Variants in OSGIN2 observed in about 807,000 individuals in gnomAD.
The protein encoded by OSGIN2 is oxidative stress-induced growth inhibitor 2.
In OSGIN2, 19 loss-of-function variants were observed where a neutral mutation model predicts 53.8. The ratio of observed to expected loss-of-function variants is 0.35; its 90% CI spans 0.25 to 0.52. The LOEUF is 0.52. Among genes scored for constraint, OSGIN2 ranks in the 20% least tolerant of loss-of-function variants. OSGIN2 has a pLI of 0.95. For synonymous variants in OSGIN2, 236 were observed against 236.0 expected, an observed-to-expected ratio of 1.00 and a Z score of 0.00; for missense variants, 520 against 662.7, an observed-to-expected ratio of 0.78 and a Z score of 2.36.
intron 1 of OSGIN2, among the ~76,000 whole-genome samples, chr8:89,905,414 A>T (rs77878690): frequency 1.3e-5 from 2 of 152,212 alleles, no homozygotes. Flanking sequence ...AAATAGAACA[A>T]ATATCAAATT....
Position 89,921,101 on chromosome 8 carries a change from A to G in OSGIN2, c.550A>G (p.Thr184Ala). Reference sequence around the variant, plus strand: ...ATAGAATATGGAAGGCTCCATGTTGACAATCAGCTTTGGAAGTTGGATGGA... The same window carrying G: ...ATAGAATATGGAAGGCTCCATGTTGGCAATCAGCTTTGGAAGTTGGATGGA... ...AWHNMEGSML[T>A]ISFGSWMELP... Residue 184 changes from threonine (T) to alanine (A), a missense_variant, in exon 5 of 6, where the codon ACA becomes GCA. Coordinates refer to ENST00000451899, the MANE Select transcript of OSGIN2 (RefSeq NM_001126111.3). 1.9e-6 allele frequency: 3 copies of G among 1,599,704 alleles called. No individual in the cohort carries two copies. Among genetic ancestry groups the G allele is most frequent in the Non-Finnish European group, 1.7e-6 (2 of 1,171,282 alleles).
intron 2 of OSGIN2, among the ~76,000 whole-genome samples, chr8:89,912,694 C>T (rs780911869): frequency 1.8e-4 from 27 of 151,510 alleles, no homozygotes; most frequent in Admixed American, 5.9e-4. Context: ...TGCAGTGAGC[C>T]GAGATCATGC....
intron 1 of OSGIN2, among the ~76,000 whole-genome samples, chr8:89,906,016 G>C (rs1808831971): frequency 6.6e-6 from 1 of 152,188 alleles, no homozygotes. Flanking sequence ...ACAAAATGTT[G>C]AGAGAAATTA....
At chr8:89,906,463 T>C (rs563416807) in intron 1 of OSGIN2, among the ~76,000 whole-genome samples, 1 of 148,632 alleles carries the variant, frequency 6.7e-6, no homozygotes, top group South Asian at 2.1e-4. Context: ...CCAGTGTGTG[T>C]TGTTCCCCTC....
chr8:89,919,722 G>A (rs904292254), intron 4 of OSGIN2, among the ~76,000 whole-genome samples: 4 of 152,190 alleles, frequency 2.6e-5, no homozygotes, highest in African/African-American at 9.6e-5. Flanking sequence ...TTGACTCCTT[G>A]AAGGACACTC....
chr8:89,922,254 C>T (rs1467875888), intron 5 of OSGIN2, among the ~76,000 whole-genome samples: 1 of 152,114 alleles, frequency 6.6e-6, no homozygotes, highest in African/African-American at 2.4e-5. Flanking sequence ...AGAAATTTTC[C>T]TTAATATGAG....
rs1018220832 is a variant in OSGIN2, at chr8:89,926,895, A to G, written c.*1363A>G. 3.3e-5 allele frequency: 5 copies of G among 152,230 alleles called. No homozygotes were observed. Among genetic ancestry groups the G allele is most frequent in the African/African-American group, 7.2e-5 (3 of 41,466 alleles). The allele number at this position is 152,230 out of a possible 1,614,324, so 9.4% of individuals were successfully genotyped here. A position where few individuals can be genotyped will look rare whatever the true frequency, so the allele number is the denominator to read the frequency against. Reference sequence around the variant, plus strand: ...TTAAATGCTTAAGCTTATTAGGACCATAATTCACTTTAAATATAATTGTAT... The same window carrying G: ...TTAAATGCTTAAGCTTATTAGGACCGTAATTCACTTTAAATATAATTGTAT... On this transcript the variant is annotated 3_prime_UTR_variant, in exon 6 of 6. Coordinates refer to ENST00000451899, the MANE Select transcript of OSGIN2 (RefSeq NM_001126111.3).
intron 5 of OSGIN2, among the ~76,000 whole-genome samples, chr8:89,922,518 A>G (rs1468775156): frequency 6.6e-6 from 1 of 152,236 alleles, no homozygotes; most frequent in Non-Finnish European, 1.5e-5. Flanking sequence ...TAAATTATGC[A>G]TATTGTGTTG....
chr8:89,907,212 C>G (rs1410468595), intron 1 of OSGIN2, among the ~76,000 whole-genome samples: 3 of 152,098 alleles, frequency 2.0e-5, no homozygotes, highest in Non-Finnish European at 4.4e-5. Context: ...TGTTGGTTGT[C>G]TGTTTACTCT....
chr8:89,918,076 C>T (rs1053043090), intron 4 of OSGIN2, among the ~76,000 whole-genome samples: 1 of 152,210 alleles, frequency 6.6e-6, no homozygotes, highest in African/African-American at 2.4e-5. Context: ...TTAGCTTACT[C>T]ACTCTACCTT....
At position 89,925,017 on chromosome 8, in the gene OSGIN2, G is replaced by C; in HGVS notation, c.1135G>C (p.Val379Leu). The part of the protein sequence containing the change: ...IPVIHVFRRR[V>L]TDPSLIFKQL... The stretch of plus-strand genomic sequence containing the variant: ...TGTGATTCATGTGTTTCGCAGACGA[G>C]TAACTGATCCAAGCTTAATTTTCAA... The change falls in exon 6 of 6, where the codon GTA becomes CTA. Residue 379 changes from valine to leucine, a missense_variant. By Grantham distance (32) the Val-to-Leu change is conservative. Coordinates refer to ENST00000451899, the MANE Select transcript of OSGIN2 (RefSeq NM_001126111.3). 1 of 1,613,926 alleles carries C rather than the reference G, an allele frequency of 6.2e-7. No individual in the cohort carries two copies. The highest frequency in any genetic ancestry group is 1.1e-5 in the South Asian group (1 of 91,088).
chr8:89,914,773 G>T, intron 4 of OSGIN2, 27 bp downstream of exon 4: 1 of 1,552,142 alleles, frequency 6.4e-7, no homozygotes, highest in Non-Finnish European at 8.9e-7. Context: ...TAGCATTTTA[G>T]TGTATGTGAA....
Position 89,924,738 on chromosome 8 carries a change from C to T in OSGIN2, c.856C>T (p.Arg286Ter). The T allele has an allele frequency of 1.9e-6, 3 of 1,614,086 alleles. No homozygotes were observed. Among genetic ancestry groups the T allele is most frequent in the South Asian group, 1.1e-5 (1 of 91,084 alleles). The change falls in exon 6 of 6, where the codon CGA (arginine) becomes TGA (stop). Residue 286 changes from arginine (R) to a stop codon, truncating the protein, a stop_gained. Coordinates refer to ENST00000451899, the MANE Select transcript of OSGIN2 (RefSeq NM_001126111.3). LOFTEE classifies it high-confidence loss of function. Reference sequence around the variant, plus strand: ...AAACTGGGAAATTAGGGGTTATCAGCGAATAGCTGATGGTTCTCATGTTCC... The same window carrying T: ...AAACTGGGAAATTAGGGGTTATCAGTGAATAGCTGATGGTTCTCATGTTCC... Reference protein sequence around the residue: ...KRNWEIRGYQRIADGSHVPFC... With the variant: ...KRNWEIRGYQ
chr8:89,902,887 C>T, intron 1 of OSGIN2, 50 bp downstream of exon 1: 10 of 1,284,312 alleles, frequency 7.8e-6, no homozygotes, highest in Non-Finnish European at 9.2e-6. Flanking sequence ...ATGCCGCGCT[C>T]TCGAGCTTTT....
chr8:89,923,157 C>T (rs1208302739), intron 5 of OSGIN2, among the ~76,000 whole-genome samples: 2 of 152,080 alleles, frequency 1.3e-5, no homozygotes, highest in Non-Finnish European at 2.9e-5. Context: ...TTTATAAACA[C>T]TGCACACTTA....
intron 2 of OSGIN2, among the ~76,000 whole-genome samples, chr8:89,911,400 G>A (rs1808962971): frequency 6.6e-6 from 1 of 151,984 alleles, no homozygotes. Flanking sequence ...AGGCTGAGGT[G>A]GGCTGGATCA....
At position 89,902,757 on chromosome 8, in the gene OSGIN2, C is replaced by A. The variant is rs1436128770; in HGVS notation, c.-37C>A. 1 of 1,201,214 alleles carries A rather than the reference C, an allele frequency of 8.3e-7. No individual in the cohort carries two copies. Among genetic ancestry groups the A allele is most frequent in the South Asian group, 4.1e-5 (1 of 24,266 alleles). 74.4% of individuals were successfully genotyped at this position (1,201,214 alleles called of 1,614,324 possible). A position where few individuals can be genotyped will look rare whatever the true frequency, so the allele number is the denominator to read the frequency against. ...TCGCCGGGGGAGGCGGAGGCGGCCA[C>A]GGCGGCCGCGCTCGGGCGCCCCTCG... On this transcript the variant is annotated 5_prime_UTR_variant, in exon 1 of 6. Coordinates refer to ENST00000451899, the MANE Select transcript of OSGIN2 (RefSeq NM_001126111.3).
chr8:89,903,978 T>TA (rs1808784897), intron 1 of OSGIN2, among the ~76,000 whole-genome samples: 1 of 152,214 alleles, frequency 6.6e-6, no homozygotes, highest in South Asian at 2.1e-4. Flanking sequence ...AGCGTCATCC[T>TA]ATAGTAAAAG....
At chr8:89,923,362 T>TA (rs547190002) in intron 5 of OSGIN2, among the ~76,000 whole-genome samples, 338 of 152,152 alleles carry the variant, frequency 2.2e-3, no homozygotes, top group Middle Eastern at 0.02. Context: ...TTCTAAATCT[T>TA]AATAATAATT....
Sources: gnomAD v4.1 joint callset for allele counts (sites outside exome capture counted in the v4.1 genomes callset) on GRCh38, gnomAD v4.1.1 for gene constraint, MANE v1.5 for transcripts, NCBI Gene and HGNC (gene_info 2026-07-23, HGNC 2026-07-21) for gene names.